The following SPMAP2L variants were observed in gnomAD, a reference collection of about 807,000 sequenced individuals.
The protein encoded by SPMAP2L is sperm microtubule associated protein 2 like, also known as sperm microtubule associated protein 2-like.
At chr4:56,562,177 A>G in the SPMAP2L span, among the ~76,000 whole-genome samples, 1 of 152,182 alleles carries the variant, frequency 6.6e-6, no homozygotes, top group South Asian at 2.1e-4. Flanking sequence ...GTAATAACCA[A>G]GAAGCCTTTG....
At chr4:56,611,635 G>A in the SPMAP2L span, among the ~76,000 whole-genome samples, 4 of 152,004 alleles carry the variant, frequency 2.6e-5, no homozygotes, top group Non-Finnish European at 5.9e-5. Context: ...CAAAAGCCAG[G>A]CCACATATGG....
chr4:56,613,048 G>A, the SPMAP2L span, among the ~76,000 whole-genome samples: 2 of 152,252 alleles, frequency 1.3e-5, no homozygotes, highest in Non-Finnish European at 2.9e-5. Context: ...GCTGTCTTCA[G>A]TGGTTAGCCT....
At chr4:56,592,561 G>T in the SPMAP2L span, among the ~76,000 whole-genome samples, 1 of 152,240 alleles carries the variant, frequency 6.6e-6, no homozygotes, top group South Asian at 2.1e-4. Flanking sequence ...GGGGCTCCAG[G>T]CTGGACGCAG....
the SPMAP2L span, among the ~76,000 whole-genome samples, chr4:56,582,884 TA>T: frequency 3.0e-4 from 46 of 152,212 alleles, no homozygotes; most frequent in Non-Finnish European, 5.3e-4. Context: ...TATTCAGCCA[TA>T]AAAAAGAATG....
chr4:56,598,006 G>T, the SPMAP2L span, among the ~76,000 whole-genome samples: 1 of 152,154 alleles, frequency 6.6e-6, no homozygotes, highest in African/African-American at 2.4e-5. Flanking sequence ...GGGACTACAG[G>T]CATGTGCCAC....
chr4:56,540,635 AAG>A, the SPMAP2L span, among the ~76,000 whole-genome samples: 2 of 152,098 alleles, frequency 1.3e-5, no homozygotes, highest in African/African-American at 2.4e-5. Context: ...GAAAGGAAGA[AAG>A]AGAAAGAAAG....
At chr4:56,597,821 T>C in the SPMAP2L span, among the ~76,000 whole-genome samples, 1 of 152,072 alleles carries the variant, frequency 6.6e-6, no homozygotes, top group Non-Finnish European at 1.5e-5. Context: ...CTGAGAGTGG[T>C]GTTAGCTGTC....
At chr4:56,610,273 A>C in the SPMAP2L span, among the ~76,000 whole-genome samples, 2 of 142,948 alleles carry the variant, frequency 1.4e-5, no homozygotes, top group African/African-American at 5.4e-5. Flanking sequence ...GAACAGATAG[A>C]GAACCCAGAA....
At chr4:56,543,889 A>AGT in the SPMAP2L span, among the ~76,000 whole-genome samples, 1 of 130,118 alleles carries the variant, frequency 7.7e-6, no homozygotes, top group Non-Finnish European at 1.6e-5. Flanking sequence ...AGAGAGAGAG[A>AGT]GAGAGAGTGT....
At chr4:56,560,605 A>T in the SPMAP2L span, among the ~76,000 whole-genome samples, 56 of 152,090 alleles carry the variant, frequency 3.7e-4, no homozygotes, top group Non-Finnish European at 6.3e-4. Flanking sequence ...TCATTTTTTA[A>T]AAAATTGAGA....
At chr4:56,545,678 G>C in the SPMAP2L span, among the ~76,000 whole-genome samples, 5 of 138,350 alleles carry the variant, frequency 3.6e-5, no homozygotes, top group Non-Finnish European at 3.0e-5. Context: ...TGATGATTGC[G>C]CTACTGCACT....
chr4:56,547,835 CAA>C, the SPMAP2L span, among the ~76,000 whole-genome samples: 3 of 151,612 alleles, frequency 2.0e-5, no homozygotes, highest in African/African-American at 4.8e-5. Flanking sequence ...CACATTAAAA[CAA>C]AAAAACAAAA....
the SPMAP2L span, among the ~76,000 whole-genome samples, chr4:56,551,847 T>A: frequency 6.6e-6 from 1 of 152,198 alleles, no homozygotes; most frequent in East Asian, 1.9e-4. Context: ...CTCCTCTACC[T>A]TGTAGCTCTG....
At chr4:56,543,895 A>AGAGTGTGTGTGTGTGT in the SPMAP2L span, among the ~76,000 whole-genome samples, 5 of 109,418 alleles carry the variant, frequency 4.6e-5, no homozygotes, top group African/African-American at 1.9e-4. Context: ...AGAGAGAGAG[A>AGAGTGTGTGTGTGTGT]GTGTGTGTGT....
At chr4:56,621,083 C>T in the SPMAP2L span, among the ~76,000 whole-genome samples, 8 of 152,022 alleles carry the variant, frequency 5.3e-5, no homozygotes, top group East Asian at 1.9e-4. Flanking sequence ...GGAAAAAAAA[C>T]GCAACTATAA....
At chr4:56,543,461 C>G in the SPMAP2L span, among the ~76,000 whole-genome samples, 151,161 of 152,234 alleles carry the variant, frequency 0.99, 75,048 homozygotes, top group East Asian at 1. Context: ...GAGAGGCAGA[C>G]GCTGGTGGTC....
the SPMAP2L span, among the ~76,000 whole-genome samples, chr4:56,613,134 G>C: frequency 6.6e-6 from 1 of 152,158 alleles, no homozygotes; most frequent in African/African-American, 2.4e-5. Context: ...AGGAGGTGCT[G>C]GCCCATGGCC....
At chr4:56,557,437 G>T in the SPMAP2L span, among the ~76,000 whole-genome samples, 1 of 152,148 alleles carries the variant, frequency 6.6e-6, no homozygotes, top group Non-Finnish European at 1.5e-5. Flanking sequence ...GATTAGACTG[G>T]CAAAGAAAGT....
the SPMAP2L span, chr4:56,593,700 T>C: frequency 3.8e-6 from 6 of 1,597,062 alleles, no homozygotes; most frequent in Non-Finnish European, 5.2e-6. Context: ...CCTGGAAGAA[T>C]GGTGGGGGCA....
Sources: gnomAD v4.1 joint callset for allele counts (sites outside exome capture counted in the v4.1 genomes callset) on GRCh38, gnomAD v4.1.1 for gene constraint, MANE v1.5 for transcripts, NCBI Gene and HGNC (gene_info 2026-07-23, HGNC 2026-07-21) for gene names.